NIPA1: variants seen among roughly 807,000 people sequenced by gnomAD.
NIPA1 encodes the protein magnesium transporter NIPA1.
NIPA1 carries 13 observed loss-of-function variants against 23.9 expected under a neutral mutation model. That is an observed-to-expected ratio of 0.54 (90% confidence interval 0.35 to 0.87). The LOEUF (loss-of-function observed/expected upper bound fraction) is 0.87. Ranked by LOEUF, NIPA1 falls within the 40% of genes least tolerant of loss-of-function variation. NIPA1 has a pLI of 0.01. For missense variants in NIPA1, 362 were observed against 429.7 expected, an observed-to-expected ratio of 0.84 and a Z score of 1.39; for synonymous variants, 234 against 202.9, an observed-to-expected ratio of 1.15 and a Z score of -1.30.
chr15:22,786,874 G>A (rs1288529040), intron 1 of NIPA1, 40 bp downstream of exon 1: 1 of 708,698 alleles, frequency 1.4e-6, no homozygotes, highest in Non-Finnish European at 1.9e-6. Flanking sequence ...GGCGGGTGGG[G>A]GAGGCGGGCG....
intron 1 of NIPA1, among the ~76,000 whole-genome samples, chr15:22,798,560 A>C (rs533307859): frequency 7.3e-5 from 11 of 150,030 alleles, no homozygotes; most frequent in African/African-American, 2.7e-4. Flanking sequence ...TCTTAAAAAA[A>C]AAAACCGGCA....
chr15:22,787,072 C>T (rs1267772252), intron 1 of NIPA1, among the ~76,000 whole-genome samples: 8 of 151,972 alleles, frequency 5.3e-5, no homozygotes, highest in African/African-American at 1.4e-4. Flanking sequence ...GCGTCCGGCG[C>T]TTCGCCGACG....
At chr15:22,801,433 G>T (rs1353594916) in intron 1 of NIPA1, among the ~76,000 whole-genome samples, 1 of 151,294 alleles carries the variant, frequency 6.6e-6, no homozygotes, top group Non-Finnish European at 1.5e-5. Flanking sequence ...TGGGGGAAAG[G>T]ATGAGAGAGA....
Position 22,820,351 on chromosome 15 carries a change from A to T in NIPA1, c.356A>T (p.Asn119Ile). The T allele has an allele frequency of 6.2e-7, 1 of 1,613,026 alleles. No individual in the cohort carries two copies. The highest frequency in any genetic ancestry group is 1.1e-5 in the South Asian group (1 of 91,068). The change falls in exon 4 of 5, where the codon AAC becomes ATC. Residue 119 changes from asparagine to isoleucine, a missense_variant. Transcript: ENST00000337435. ...TCCTATCTCCTGAAGGAAAAGCTCA[A>T]CATCTTGGGCAAGTTGGGGTGCCTG... is the stretch of plus-strand genomic sequence containing the variant. The part of the protein sequence containing the change: ...LASYLLKEKL[N>I]ILGKLGCLLS...
At chr15:22,790,422 C>CTTT (rs201663769) in intron 1 of NIPA1, among the ~76,000 whole-genome samples, 1 of 133,346 alleles carries the variant, frequency 7.5e-6, no homozygotes, top group African/African-American at 2.8e-5. Flanking sequence ...TCCCAAAGTG[C>CTTT]TTTTTTTTTT....
chr15:22,823,041 C>G (rs1895573614), intron 4 of NIPA1, among the ~76,000 whole-genome samples: 1 of 146,914 alleles, frequency 6.8e-6, no homozygotes, highest in Non-Finnish European at 1.5e-5. Flanking sequence ...GCCTCAGCCT[C>G]CTGAGTAGCT....
intron 3 of NIPA1, among the ~76,000 whole-genome samples, chr15:22,819,981 C>T (rs1466136872): frequency 1.3e-5 from 2 of 152,148 alleles, no homozygotes; most frequent in Non-Finnish European, 2.9e-5. Flanking sequence ...ATCGTTTGAG[C>T]CCAGGAGTTT....
At chr15:22,795,568 GA>G (rs1177601115) in intron 1 of NIPA1, among the ~76,000 whole-genome samples, 1 of 152,134 alleles carries the variant, frequency 6.6e-6, no homozygotes, top group Non-Finnish European at 1.5e-5. Flanking sequence ...GGCTCCCTTG[GA>G]CGCCCTTACA....
intron 1 of NIPA1, among the ~76,000 whole-genome samples, chr15:22,806,895 G>A (rs1446603744): frequency 3.3e-5 from 5 of 152,290 alleles, no homozygotes; most frequent in South Asian, 2.1e-4. Flanking sequence ...CCCCTGGACC[G>A]AGGCTCTCAG....
At chr15:22,801,472 G>T (rs1389173127) in intron 1 of NIPA1, among the ~76,000 whole-genome samples, 2 of 150,978 alleles carry the variant, frequency 1.3e-5, no homozygotes, top group African/African-American at 4.9e-5. Flanking sequence ...GAGAGGAAGA[G>T]GGTGCTCTGT....
chr15:22,817,180 C>CT (rs1566786624), intron 3 of NIPA1, among the ~76,000 whole-genome samples: 1 of 101,992 alleles, frequency 9.8e-6, no homozygotes, highest in Non-Finnish European at 1.9e-5. Context: ...GAGTGAGACT[C>CT]TGTCTCAAAA....
At chr15:22,820,713 G>C (rs1386284747) in intron 4 of NIPA1, among the ~76,000 whole-genome samples, 1 of 151,788 alleles carries the variant, frequency 6.6e-6, no homozygotes, top group African/African-American at 2.4e-5. Flanking sequence ...CCGTGGCCTG[G>C]TATTCCTTCG....
chr15:22,814,046 C>T (rs1349449231), intron 3 of NIPA1: 1 of 1,077,268 alleles, frequency 9.3e-7, no homozygotes, highest in Non-Finnish European at 1.3e-6. Context: ...ATGATTAAGT[C>T]ACTTCACCAG....
At position 22,797,152 on chromosome 15, in the gene NIPA1, G is replaced by C. The variant is rs189875115; in HGVS notation, c.178+10318G>C. Among the ~76,000 whole-genome samples, 17 of 150,976 alleles carry C rather than the reference G, an allele frequency of 1.1e-4. No individual in the cohort carries two copies. In the East Asian group the frequency reaches 3.3e-3, roughly 29 times the overall value. On this transcript the variant is annotated intron_variant, in intron 1 of 4. Coordinates refer to ENST00000337435, the MANE Select transcript of NIPA1 (RefSeq NM_144599.5). ...CCTCCCAGGTTCAAGCGATTCTTGT[G>C]CCTCAGCCTCCCGAGTAGCTGGGAT... is the stretch of plus-strand genomic sequence containing the variant.
At chr15:22,803,231 A>T (rs974516156) in intron 1 of NIPA1, among the ~76,000 whole-genome samples, 1 of 151,954 alleles carries the variant, frequency 6.6e-6, no homozygotes, top group Non-Finnish European at 1.5e-5. Flanking sequence ...TGCTGGGATT[A>T]TAGGCATGAG....
Position 22,824,276 on chromosome 15 carries a change from A to T in NIPA1, c.*37A>T, listed in dbSNP as rs886051007. On this transcript the variant is annotated 3_prime_UTR_variant, in exon 5 of 5. Coordinates refer to ENST00000337435, the MANE Select transcript of NIPA1 (RefSeq NM_144599.5). The surrounding 1 kb of genome is among the most constrained non-coding windows in gnomAD (Gnocchi z 4.1). ...AGCTTGGATGGTTCGAGGAATAGGC[A>T]TTGGAGGTGGTTTCTGGCCGTGATT... 6.3e-7 allele frequency: 1 copy of T among 1,575,850 alleles called. No individual in the cohort carries two copies. Among genetic ancestry groups the T allele is most frequent in the Non-Finnish European group, 8.7e-7 (1 of 1,145,354 alleles).
intron 2 of NIPA1, among the ~76,000 whole-genome samples, chr15:22,811,879 A>G (rs1895324121): frequency 6.6e-6 from 1 of 152,194 alleles, no homozygotes; most frequent in South Asian, 2.1e-4. Context: ...ATGTGTTAAG[A>G]GAGCGGAGAT....
intron 3 of NIPA1, among the ~76,000 whole-genome samples, chr15:22,815,454 C>T (rs1895397148): frequency 6.7e-6 from 1 of 148,608 alleles, no homozygotes; most frequent in Non-Finnish European, 1.5e-5. Flanking sequence ...CCAGCCTGGC[C>T]AGCATGGCAA....
intron 1 of NIPA1, among the ~76,000 whole-genome samples, chr15:22,789,565 AAAG>A (rs1894787018): frequency 6.6e-6 from 1 of 152,118 alleles, no homozygotes; most frequent in Non-Finnish European, 1.5e-5. Flanking sequence ...GTAGGAGAGA[AAAG>A]GAGAAGAAAA....
Sources: allele counts gnomAD v4.1 joint callset (sites outside exome capture counted in the v4.1 genomes callset), GRCh38; gene constraint gnomAD v4.1.1; non-coding constraint Gnocchi (gnomAD v3.1); transcripts MANE v1.5; gene names NCBI Gene and HGNC (gene_info 2026-07-23, HGNC 2026-07-21).